Variants in PSKH1 observed in about 807,000 individuals in gnomAD.
PSKH1 encodes the protein protein serine kinase H1.
In PSKH1, 12 loss-of-function variants were observed where a neutral mutation model predicts 26.7. The ratio of observed to expected loss-of-function variants is 0.45; its 90% CI spans 0.29 to 0.73. The LOEUF (loss-of-function observed/expected upper bound fraction) is 0.73, where lower values mean the gene tolerates loss of function less well. Ranked by LOEUF, PSKH1 falls within the 30% of genes least tolerant of loss-of-function variation. PSKH1 has a pLI of 0.11. For synonymous variants in PSKH1, 213 were observed against 234.3 expected, an observed-to-expected ratio of 0.91 and a Z score of 0.83; for missense variants, 431 against 595.2, an observed-to-expected ratio of 0.72 and a Z score of 2.87.
At chr16:67,924,967 T>G (rs2058212102) in intron 2 of PSKH1, among the ~76,000 whole-genome samples, 1 of 150,126 alleles carries the variant, frequency 6.7e-6, no homozygotes, top group South Asian at 2.1e-4. Context: ...AAAAAAAAAT[T>G]TATTAATTTT....
intron 1 of PSKH1, among the ~76,000 whole-genome samples, chr16:67,897,975 G>A (rs1244271012): frequency 6.6e-6 from 1 of 152,112 alleles, no homozygotes; most frequent in Non-Finnish European, 1.5e-5. Flanking sequence ...AGCCTCCCGA[G>A]TAGCTGGGAC....
intron 1 of PSKH1, among the ~76,000 whole-genome samples, chr16:67,905,337 C>T (rs2151311503): frequency 6.6e-6 from 1 of 152,284 alleles, no homozygotes; most frequent in Admixed American, 6.5e-5. Flanking sequence ...CTTTGTACCA[C>T]CAAACTGCCC....
At chr16:67,897,443 G>T (rs1183332262) in intron 1 of PSKH1, among the ~76,000 whole-genome samples, 1 of 152,132 alleles carries the variant, frequency 6.6e-6, no homozygotes, top group African/African-American at 2.4e-5. Flanking sequence ...TTTGCTGGGA[G>T]AAAGTTTTCT....
intron 2 of PSKH1, among the ~76,000 whole-genome samples, chr16:67,911,428 A>T (rs1403440474): frequency 6.6e-6 from 1 of 152,010 alleles, no homozygotes; most frequent in Non-Finnish European, 1.5e-5. Context: ...CACGCCTGTA[A>T]TCCCAGCACT....
At position 67,908,694 on chromosome 16, in the gene PSKH1, C is replaced by G; in HGVS notation, c.-56C>G. ...TTTGTGTGTAGGTGTAGACGGGGCACTGCCTTCAGAGCAGGTCCTGCCAGC... is the reference window on the plus strand; with the variant it reads ...TTTGTGTGTAGGTGTAGACGGGGCAGTGCCTTCAGAGCAGGTCCTGCCAGC... On this transcript the variant is annotated 5_prime_UTR_variant, in exon 2 of 3. Coordinates refer to ENST00000291041, the MANE Select transcript of PSKH1 (RefSeq NM_006742.3). 1 of 1,456,130 alleles carries G rather than the reference C, an allele frequency of 6.9e-7. No individual in the cohort carries two copies. The highest frequency in any genetic ancestry group is 9.3e-7 in the Non-Finnish European group (1 of 1,070,506). The allele number at this position is 1,456,130 out of a possible 1,614,324, so 90.2% of individuals were successfully genotyped here.
chr16:67,920,579 CAT>C (rs2058199384), intron 2 of PSKH1, among the ~76,000 whole-genome samples: 3 of 152,222 alleles, frequency 2.0e-5, no homozygotes, highest in African/African-American at 7.2e-5. Flanking sequence ...TAGATCCACT[CAT>C]AGCATCCCAT....
chr16:67,924,510 G>A (rs948432626), intron 2 of PSKH1, among the ~76,000 whole-genome samples: 4 of 152,366 alleles, frequency 2.6e-5, no homozygotes, highest in African/African-American at 9.6e-5. Flanking sequence ...GACTGGTTTG[G>A]AGTTTCAGGT....
intron 2 of PSKH1, among the ~76,000 whole-genome samples, chr16:67,912,451 A>G (rs1598190590): frequency 6.6e-6 from 1 of 152,196 alleles, no homozygotes; most frequent in South Asian, 2.1e-4. Flanking sequence ...TTTAAAGACA[A>G]GCCCCTTTAT....
chr16:67,906,928 G>A lies in PSKH1; in HGVS notation c.-70-1752G>A, dbSNP rs979512350. ...TCTTCATCCTGAGTTAAATCTGGGT[G>A]AAACTGCCAGTGTCCTCTCTGAGCT... is the stretch of plus-strand genomic sequence containing the variant. On this transcript the variant is annotated intron_variant, in intron 1 of 2. Transcript: ENST00000291041. 1.3e-4 allele frequency among the ~76,000 whole-genome samples: 19 copies of A among 151,840 alleles called. 1 individual carries two copies. Among genetic ancestry groups the A allele is most frequent in the Admixed American group, 1.2e-3 (19 of 15,256 alleles).
At chr16:67,899,944 C>G (rs1457857958) in intron 1 of PSKH1, among the ~76,000 whole-genome samples, 1 of 151,250 alleles carries the variant, frequency 6.6e-6, no homozygotes, top group African/African-American at 2.4e-5. Context: ...CCACTGTGCC[C>G]TGCCTGTTTT....
At position 67,929,526 on chromosome 16, in the gene PSKH1, G is replaced by A; in HGVS notation, c.*1884G>A. The A allele has an allele frequency of 1.1e-5, 2 of 181,586 alleles. No individual in the cohort carries two copies. The highest frequency in any genetic ancestry group is 2.3e-4 in the South Asian group (2 of 8,678). 11.2% of individuals were successfully genotyped at this position (181,586 alleles called of 1,614,324 possible). On this transcript the variant is annotated 3_prime_UTR_variant, in exon 3 of 3. Coordinates refer to ENST00000291041, the MANE Select transcript of PSKH1 (RefSeq NM_006742.3). ...AGGGCAGGACAGGGGGTTTGGAGAT[G>A]TGGGCCTTTGATAGACCCACTTGGG...
intron 2 of PSKH1, among the ~76,000 whole-genome samples, chr16:67,916,171 T>TGA: frequency 1.3e-5 from 2 of 152,210 alleles, no homozygotes; most frequent in Non-Finnish European, 2.9e-5. Flanking sequence ...GGATAACCTG[T>TGA]GAGAGAGAGA....
intron 2 of PSKH1, among the ~76,000 whole-genome samples, chr16:67,921,896 C>A (rs1313788293): frequency 6.6e-6 from 1 of 152,152 alleles, no homozygotes; most frequent in East Asian, 1.9e-4. Flanking sequence ...ATTTTGTTAT[C>A]CATTTCAAGT....
chr16:67,910,984 T>C (rs997249837), intron 2 of PSKH1, among the ~76,000 whole-genome samples: 9 of 152,170 alleles, frequency 5.9e-5, no homozygotes, highest in Non-Finnish European at 1.2e-4. Context: ...TGTTGGGAGC[T>C]GATGGAAGGT....
At chr16:67,898,004 C>T (rs886718857) in intron 1 of PSKH1, among the ~76,000 whole-genome samples, 13 of 152,232 alleles carry the variant, frequency 8.5e-5, no homozygotes, top group Middle Eastern at 3.4e-3. Flanking sequence ...CACGCTACCA[C>T]GCCCGGCTAA....
At chr16:67,900,115 C>T (rs1365586213) in intron 1 of PSKH1, among the ~76,000 whole-genome samples, 1 of 151,934 alleles carries the variant, frequency 6.6e-6, no homozygotes, top group Non-Finnish European at 1.5e-5. Flanking sequence ...TGCCCACTAC[C>T]ATGCCCAGGA....
chr16:67,926,412 A>C (rs2058216530), intron 2 of PSKH1, among the ~76,000 whole-genome samples: 1 of 152,226 alleles, frequency 6.6e-6, no homozygotes, highest in Non-Finnish European at 1.5e-5. Context: ...ACGAACATGA[A>C]ATTGCAGTCT....
Position 67,909,786 on chromosome 16 carries a change from G to C in PSKH1, c.957+80G>C, listed in dbSNP as rs760548770. ...TATATCCTGCAGCTCTCAGTCAGAGGTATGTCCTCAGGGCCATGCTCGTGA... is the reference window on the plus strand; with the variant it reads ...TATATCCTGCAGCTCTCAGTCAGAGCTATGTCCTCAGGGCCATGCTCGTGA... On this transcript the variant is annotated intron_variant, in intron 2 of 2. Coordinates refer to ENST00000291041, the MANE Select transcript of PSKH1 (RefSeq NM_006742.3). This position sits in a 1 kb window ranked among gnomAD's most constrained non-coding sequence, Gnocchi z 7.8. 1.3e-5 allele frequency: 17 copies of C among 1,338,852 alleles called. No individual in the cohort carries two copies. Among genetic ancestry groups the C allele is most frequent in the Non-Finnish European group, 1.8e-5 (17 of 967,010 alleles). The allele number at this position is 1,338,852 out of a possible 1,614,324, so 82.9% of individuals were successfully genotyped here. A position where few individuals can be genotyped will look rare whatever the true frequency, so the allele number is the denominator to read the frequency against.
rs779515191 is a variant in PSKH1 at position 67,927,298 on chromosome 16, ACT to A, written c.958-24_958-23del. 7.0e-6 allele frequency: 11 copies of A among 1,574,586 alleles called. No homozygotes were observed. In the African/African-American group the frequency reaches 1.2e-4, roughly 17 times the overall value. On this transcript the variant is annotated intron_variant, in intron 2 of 2. Coordinates refer to ENST00000291041, the MANE Select transcript of PSKH1 (RefSeq NM_006742.3). This position sits in a 1 kb window ranked among gnomAD's most constrained non-coding sequence, Gnocchi z 5.5. ...GGGGTGGGCAGTGTCAGATGCTCTC[ACT>A]CTAATGCTTGTCCTTGGTCTCTAGC...
Sources: allele counts gnomAD v4.1 joint callset (sites outside exome capture counted in the v4.1 genomes callset), GRCh38; gene constraint gnomAD v4.1.1; non-coding constraint Gnocchi (gnomAD v3.1); transcripts MANE v1.5; gene names NCBI Gene and HGNC (gene_info 2026-07-23, HGNC 2026-07-21).